COL22A1: variants seen among roughly 807,000 people sequenced by gnomAD.
The protein encoded by COL22A1 is collagen alpha-1(XXII) chain.
COL22A1 carries 221 observed loss-of-function variants against 248.9 expected under a neutral mutation model. That is an observed-to-expected ratio of 0.89 (90% CI 0.80 to 0.99). The LOEUF (loss-of-function observed/expected upper bound fraction) is 0.99. Among genes scored for constraint, COL22A1 ranks in the 50% least tolerant of loss-of-function variants. The pLI, the probability that COL22A1 is intolerant of heterozygous loss-of-function variation, is 0.00. For missense variants in COL22A1, 2,240 were observed against 2,179.0 expected, an observed-to-expected ratio of 1.03 and a Z score of -0.56; for synonymous variants, 891 against 793.4, an observed-to-expected ratio of 1.12 and a Z score of -2.07.
At chr8:138,612,934 T>TA (rs1818989447) in intron 56 of COL22A1, among the ~76,000 whole-genome samples, 1 of 33,920 alleles carries the variant, frequency 2.9e-5, no homozygotes, top group Non-Finnish European at 5.0e-5. Flanking sequence ...GGACTCCATC[T>TA]CAAAAAAAAA....
chr8:138,722,921 G>A (rs925791166), intron 25 of COL22A1, among the ~76,000 whole-genome samples: 1 of 150,590 alleles, frequency 6.6e-6, no homozygotes, highest in Non-Finnish European at 1.5e-5. Flanking sequence ...GGGGGAGGGA[G>A]AGCATCAGGA....
intron 35 of COL22A1, among the ~76,000 whole-genome samples, chr8:138,692,230 A>ATGTG (rs774738024): frequency 6.4e-5 from 2 of 31,458 alleles, no homozygotes; most frequent in South Asian, 1.1e-3. Flanking sequence ...GTGCACGTGC[A>ATGTG]TGTGCATGTT....
intron 45 of COL22A1, among the ~76,000 whole-genome samples, chr8:138,654,225 G>A (rs1338503225): frequency 6.6e-6 from 1 of 151,994 alleles, no homozygotes; most frequent in Non-Finnish European, 1.5e-5. Flanking sequence ...CTAGAGTGAG[G>A]GAATTAAGAA....
chr8:138,597,015 C>T lies in COL22A1; in HGVS notation c.4366-45G>A, dbSNP rs1385298706. The stretch of plus-strand genomic sequence containing the variant: ...GAGTCATTCATCTTCCCAGTAACTT[C>T]TGCCACCTAAGAACCCTGAGGACTT... On this transcript the variant is annotated intron_variant, in intron 61 of 64. Transcript: ENST00000303045. 2.6e-6 allele frequency: 4 copies of T among 1,552,368 alleles called. No individual in the cohort carries two copies. In the Middle Eastern group the frequency reaches 5.1e-4, roughly 200 times the overall value.
chr8:138,815,136 A>G (rs946057392), intron 7 of COL22A1, among the ~76,000 whole-genome samples: 6 of 152,146 alleles, frequency 3.9e-5, no homozygotes, highest in African/African-American at 1.2e-4. Flanking sequence ...ATGATTGTGA[A>G]GCCTCCCCAG....
chr8:138,910,325 GCA>G (rs946060938), intron 1 of COL22A1, among the ~76,000 whole-genome samples: 1 of 152,066 alleles, frequency 6.6e-6, no homozygotes, highest in Non-Finnish European at 1.5e-5. Flanking sequence ...ACACATATAT[GCA>G]CACACACATA....
At chr8:138,781,422 G>GGGGT (rs1435818764) in intron 12 of COL22A1, among the ~76,000 whole-genome samples, 6 of 152,136 alleles carry the variant, frequency 3.9e-5, no homozygotes, top group African/African-American at 1.4e-4. Context: ...TAGGATGCTC[G>GGGGT]GCTGCATCCC....
In COL22A1 at chr8:138,790,075, C is replaced by T. The variant is rs191348979; in HGVS notation, c.1596+6744G>A. Among the ~76,000 whole-genome samples, 49 of 152,250 alleles carry T rather than the reference C, an allele frequency of 3.2e-4. 1 individual carries two copies. The South Asian group carries it at 9.1e-3, about 28-fold the overall frequency. On this transcript the variant is annotated intron_variant, in intron 12 of 64. Coordinates refer to ENST00000303045, the MANE Select transcript of COL22A1 (RefSeq NM_152888.3). ...CCAAATATCTCATAGTAGCAGAAAC[C>T]CCTTGTCTTTTGGGGCTACCATAAA...
chr8:138,843,826 C>G (rs1452735076), intron 4 of COL22A1, among the ~76,000 whole-genome samples: 1 of 152,234 alleles, frequency 6.6e-6, no homozygotes, highest in Non-Finnish European at 1.5e-5. Context: ...CTCATTCATT[C>G]TCATGCATTA....
In COL22A1 at chr8:138,676,446, A is replaced by G. The variant is rs878858781; in HGVS notation, c.3150+112T>C. The G allele has an allele frequency of 8.0e-5, 41 of 511,372 alleles. No individual in the cohort carries two copies. In the South Asian group the frequency reaches 9.6e-4, roughly 12 times the overall value. 31.7% of individuals were successfully genotyped at this position (511,372 alleles called of 1,614,324 possible). On this transcript the variant is annotated intron_variant, in intron 41 of 64. Transcript: ENST00000303045. ...GAAAGAAAGAAAGAAAGAAAGAAAG[A>G]AAGAAAGAAAGGAAGAAAGAAAGAA...
chr8:138,768,023 G>T (rs1231487397), intron 16 of COL22A1, among the ~76,000 whole-genome samples: 5 of 152,158 alleles, frequency 3.3e-5, no homozygotes, highest in Admixed American at 6.5e-5. Flanking sequence ...TGATGAGCAG[G>T]ATGGCCCAGG....
intron 12 of COL22A1, among the ~76,000 whole-genome samples, chr8:138,792,628 G>T (rs950850547): frequency 5.3e-5 from 8 of 152,180 alleles, no homozygotes; most frequent in African/African-American, 1.9e-4. Flanking sequence ...CCTCATACTT[G>T]GAGAATGACT....
rs543322095 is a variant in COL22A1, at chr8:138,652,415, C to T, written c.3334-2637G>A. Among the ~76,000 whole-genome samples the T allele has an allele frequency of 1.9e-3, 283 of 152,312 alleles. 1 individual carries two copies. Among genetic ancestry groups the T allele is most frequent in the African/African-American group, 6.4e-3 (264 of 41,574 alleles). On this transcript the variant is annotated intron_variant, in intron 45 of 64. Transcript: ENST00000303045. The stretch of plus-strand genomic sequence containing the variant: ...CTTTTAGCTGCTACATGTGCCATTA[C>T]GGTTTTGTTTATTTTCCTCCCTAAA...
chr8:138,844,822 CG>C (rs1220310098), intron 3 of COL22A1, among the ~76,000 whole-genome samples: 17 of 151,882 alleles, frequency 1.1e-4, no homozygotes, highest in African/African-American at 3.9e-4. Context: ...TGGTGGCAGG[CG>C]CCTGTAGTCC....
In COL22A1 at chr8:138,700,199, C is replaced by CAAGTG. The variant is rs1272731092; in HGVS notation, c.2560-56_2560-55insCACTT. The CAAGTG allele has an allele frequency of 6.4e-6, 10 of 1,569,752 alleles. No homozygotes were observed. In the Admixed American group the frequency reaches 6.8e-5, roughly 11 times the overall value. On this transcript the variant is annotated intron_variant, in intron 31 of 64. Transcript: ENST00000303045. The stretch of plus-strand genomic sequence containing the variant: ...ATGGGCATCAAGGAACCCAGTGTTT[C>CAAGTG]ATTTTTAAAACCTGCCTTGGAGAGA...
intron 30 of COL22A1, among the ~76,000 whole-genome samples, 175 bp from the exon 31 acceptor site, chr8:138,703,522 A>G (rs1251928391): frequency 6.6e-6 from 1 of 152,214 alleles, no homozygotes; most frequent in African/African-American, 2.4e-5. Context: ...ATAATTACAT[A>G]TGTACATTCC....
At chr8:138,877,639 C>T (rs898241847) in intron 3 of COL22A1, 111 bp downstream of exon 3, 10 of 1,160,696 alleles carry the variant, frequency 8.6e-6, no homozygotes, top group South Asian at 3.4e-5. Context: ...CTACTTCCCC[C>T]GCCTTCCTGG....
chr8:138,845,516 A>AAAATAAATAAAT (rs10633143), intron 3 of COL22A1, among the ~76,000 whole-genome samples: 1,498 of 147,578 alleles, frequency 0.01, 12 homozygotes, highest in Non-Finnish European at 0.015. Flanking sequence ...CTCCACCTCA[A>AAAATAAATAAAT]AAATAAATAA....
chr8:138,694,524 C>T lies in COL22A1; in HGVS notation c.2684G>A (p.Gly895Glu). The T allele has an allele frequency of 6.2e-7, 1 of 1,613,958 alleles. No individual in the cohort carries two copies. The highest frequency in any genetic ancestry group is 8.5e-7 in the Non-Finnish European group (1 of 1,179,984). The change falls in exon 34 of 65, where the codon GGA becomes GAA. Residue 895 changes from glycine to glutamate, a missense_variant. Coordinates refer to ENST00000303045, the MANE Select transcript of COL22A1 (RefSeq NM_152888.3). Reference protein sequence around the residue: ...QGRPGELGPQGPTGPPGAKGQ... With the variant: ...QGRPGELGPQEPTGPPGAKGQ... ...TTTTCTTACCGGTGGTCCAGTGGGTCCCTGAGGCCCCAATTCTCCAGGACG... is the reference window on the plus strand; with the variant it reads ...TTTTCTTACCGGTGGTCCAGTGGGTTCCTGAGGCCCCAATTCTCCAGGACG...
Sources: allele counts gnomAD v4.1 joint callset (sites outside exome capture counted in the v4.1 genomes callset), GRCh38; gene constraint gnomAD v4.1.1; transcripts MANE v1.5; gene names NCBI Gene and HGNC (gene_info 2026-07-23, HGNC 2026-07-21).